The following JAM3 variants were observed in gnomAD, a reference collection of about 807,000 sequenced individuals.
The protein encoded by JAM3 is junctional adhesion molecule C.
A neutral mutation model predicts 39.4 loss-of-function variants in JAM3; 31 were observed. The observed-to-expected ratio is 0.79, with a 90% confidence interval of 0.59 to 1.06. The LOEUF (loss-of-function observed/expected upper bound fraction) is 1.06. Ranked by LOEUF, JAM3 falls within the 50% of genes least tolerant of loss-of-function variation. The probability of loss-of-function intolerance (pLI) is 0.00; values close to 1 mark genes in which losing one functional copy is unlikely to be tolerated. For synonymous variants in JAM3, 182 were observed against 148.7 expected (o/e 1.22, Z -1.63); for missense variants, 455 against 391.4 (o/e 1.16, Z -1.37).
rs995430737 is a variant in JAM3 at position 134,084,375 on chromosome 11, T to A, written c.76+15216T>A. Among the ~76,000 whole-genome samples, 10 of 152,348 alleles carry A rather than the reference T, an allele frequency of 6.6e-5. No individual in the cohort carries two copies. In the South Asian group the frequency reaches 1.0e-3, roughly 16 times the overall value. On this transcript the variant is annotated intron_variant, in intron 1 of 8. Coordinates refer to ENST00000299106, the MANE Select transcript of JAM3 (RefSeq NM_032801.5). ...TCCGCTATGTGATTGTTGAAGTCAA[T>A]TTCCTTATCTATAAAAGAGTAGTAA... is the stretch of plus-strand genomic sequence containing the variant.
intron 3 of JAM3, among the ~76,000 whole-genome samples, chr11:134,142,065 G>A (rs1044589833): frequency 6.6e-6 from 1 of 152,120 alleles, no homozygotes; most frequent in African/African-American, 2.4e-5. Flanking sequence ...ACACAGATCT[G>A]TTTTCTTTGG....
At chr11:134,139,694 A>T in intron 1 of JAM3, 157 bp from the exon 2 acceptor site, 1 of 669,962 alleles carries the variant, frequency 1.5e-6, no homozygotes, top group Non-Finnish European at 2.7e-6. Flanking sequence ...GAAAGCAGTT[A>T]ACTTGGCTTA....
At chr11:134,086,465 T>C (rs1941747120) in intron 1 of JAM3, among the ~76,000 whole-genome samples, 1 of 152,130 alleles carries the variant, frequency 6.6e-6, no homozygotes, top group Admixed American at 6.5e-5. Context: ...GAAGAAAAAT[T>C]TCTCTTTGAC....
chr11:134,082,882 A>G (rs1189724607), intron 1 of JAM3, among the ~76,000 whole-genome samples: 1 of 152,212 alleles, frequency 6.6e-6, no homozygotes, highest in Non-Finnish European at 1.5e-5. Context: ...ACATATTTTT[A>G]GAGTGTCTGC....
At chr11:134,140,230 T>C (rs1250959831) in intron 2 of JAM3, among the ~76,000 whole-genome samples, 2 of 152,204 alleles carry the variant, frequency 1.3e-5, no homozygotes, top group African/African-American at 2.4e-5. Flanking sequence ...CTTGGCTCAC[T>C]GCAGCCTCTG....
chr11:134,123,800 G>A lies in JAM3; in HGVS notation c.77-16051G>A, dbSNP rs1321965750. 1.4e-5 allele frequency: 10 copies of A among 739,410 alleles called. No homozygotes were observed. The South Asian group carries it at 1.4e-4, about 11-fold the overall frequency. The allele number at this position is 739,410 out of a possible 1,614,324, so 45.8% of individuals were successfully genotyped here. On this transcript the variant is annotated intron_variant, in intron 1 of 8. Transcript: ENST00000299106. ...GGTTCCCTCTAAATGCCACAATCAAGTGAGCCTTCATTTACATTTCTTTCT... is the reference window on the plus strand; with the variant it reads ...GGTTCCCTCTAAATGCCACAATCAAATGAGCCTTCATTTACATTTCTTTCT...
chr11:134,119,024 A>G (rs951871848), intron 1 of JAM3, among the ~76,000 whole-genome samples: 2 of 148,240 alleles, frequency 1.3e-5, no homozygotes, highest in African/African-American at 5.1e-5. Context: ...GCTGGAATGC[A>G]GTGGCATGAT....
intron 3 of JAM3, among the ~76,000 whole-genome samples, chr11:134,141,690 G>A: frequency 6.6e-6 from 1 of 152,082 alleles, no homozygotes; most frequent in African/African-American, 2.4e-5. Flanking sequence ...GCTGGTGGGG[G>A]GCCCCAAGCT....
At chr11:134,116,444 G>C (rs486017) in intron 1 of JAM3, among the ~76,000 whole-genome samples, 60,112 of 151,880 alleles carry the variant, frequency 0.4, 12,933 homozygotes, top group African/African-American at 0.58. Context: ...TGGATTTATG[G>C]GTATTGTATT....
At chr11:134,078,065 C>T (rs1382608291) in intron 1 of JAM3, among the ~76,000 whole-genome samples, 1 of 152,106 alleles carries the variant, frequency 6.6e-6, no homozygotes, top group African/African-American at 2.4e-5. Flanking sequence ...GCTCTGCTTT[C>T]CTCTTGCCTA....
intron 1 of JAM3, among the ~76,000 whole-genome samples, chr11:134,085,824 G>C (rs764984051): frequency 2.0e-5 from 3 of 152,180 alleles, no homozygotes; most frequent in Non-Finnish European, 2.9e-5. Flanking sequence ...AGTGTAAGGA[G>C]GTGAGTTTCT....
intron 1 of JAM3, among the ~76,000 whole-genome samples, chr11:134,087,382 A>G (rs1446927477): frequency 6.6e-6 from 1 of 152,212 alleles, no homozygotes; most frequent in Non-Finnish European, 1.5e-5. Context: ...GCATTAAAAC[A>G]AAGCATTATG....
intron 1 of JAM3, among the ~76,000 whole-genome samples, chr11:134,130,805 C>A (rs910017717): frequency 1.3e-5 from 2 of 152,214 alleles, no homozygotes; most frequent in Non-Finnish European, 2.9e-5. Flanking sequence ...ATGTGTATGT[C>A]TATTCCAGCC....
At chr11:134,074,721 A>G (rs1007833752) in intron 1 of JAM3, among the ~76,000 whole-genome samples, 2 of 152,098 alleles carry the variant, frequency 1.3e-5, no homozygotes, top group East Asian at 1.9e-4. Flanking sequence ...TTTATTGAGC[A>G]CCTACTCTGT....
chr11:134,084,407 A>G (rs1014458926), intron 1 of JAM3, among the ~76,000 whole-genome samples: 5 of 152,234 alleles, frequency 3.3e-5, no homozygotes, highest in Non-Finnish European at 7.3e-5. Context: ...GTAATAGCGT[A>G]AAGTAGCTTT....
intron 1 of JAM3, among the ~76,000 whole-genome samples, chr11:134,103,009 C>G (rs1325005368): frequency 1.3e-5 from 2 of 152,000 alleles, no homozygotes; most frequent in Non-Finnish European, 2.9e-5. Context: ...GAAATACAGA[C>G]AATGCCACAA....
At chr11:134,076,833 CTTTT>C (rs71038556) in intron 1 of JAM3, among the ~76,000 whole-genome samples, 13 of 118,522 alleles carry the variant, frequency 1.1e-4, no homozygotes, top group African/African-American at 4.0e-4. Flanking sequence ...ACATCTATTG[CTTTT>C]TTTTTTTTTT....
chr11:134,126,337 AGATG>A (rs1219804203), intron 1 of JAM3: 9 of 152,254 alleles, frequency 5.9e-5, no homozygotes, highest in Admixed American at 5.2e-4. Flanking sequence ...ACTCATATGC[AGATG>A]GATGGCCACA....
At chr11:134,084,863 C>T (rs560961132) in intron 1 of JAM3, among the ~76,000 whole-genome samples, 1 of 152,354 alleles carries the variant, frequency 6.6e-6, no homozygotes, top group South Asian at 2.1e-4. Flanking sequence ...TTCCCTCTGT[C>T]ATACTTCTCT....
Sources: allele counts gnomAD v4.1 joint callset (sites outside exome capture counted in the v4.1 genomes callset), GRCh38; gene constraint gnomAD v4.1.1; transcripts MANE v1.5; gene names NCBI Gene and HGNC (gene_info 2026-07-23, HGNC 2026-07-21).